Variants in RAPGEF1 observed in about 807,000 individuals in gnomAD.
The protein encoded by RAPGEF1 is Rap guanine nucleotide exchange factor 1.
Under a neutral mutation model 143.3 loss-of-function variants are expected in RAPGEF1, and 33 were observed. The ratio of observed to expected loss-of-function variants is 0.23; its 90% CI spans 0.17 to 0.31. The LOEUF is 0.31. Ranked by LOEUF, RAPGEF1 falls within the 10% of genes least tolerant of loss-of-function variation. The pLI, the probability that RAPGEF1 is intolerant of heterozygous loss-of-function variation, is 1.00. For missense variants in RAPGEF1, 1,199 were observed against 1,645.4 expected (o/e 0.73, Z 4.69); for synonymous variants, 629 against 676.5 (o/e 0.93, Z 1.09).
At chr9:131,725,517 A>G (rs1372987245) in intron 1 of RAPGEF1, 1 of 151,892 alleles carries the variant, frequency 6.6e-6, no homozygotes. Flanking sequence ...AGAGCGCAGC[A>G]GCGCTATCAG....
intron 1 of RAPGEF1, among the ~76,000 whole-genome samples, chr9:131,739,534 G>A (rs558876071): frequency 6.6e-6 from 1 of 151,224 alleles, no homozygotes; most frequent in South Asian, 2.1e-4. Context: ...CCGGGTTGCA[G>A]GGGCCCCGCC....
chr9:131,705,005 T>C lies in RAPGEF1; in HGVS notation c.61+34765A>G, dbSNP rs76335030. Among the ~76,000 whole-genome samples, 36 of 152,336 alleles carry C rather than the reference T, an allele frequency of 2.4e-4. No individual in the cohort carries two copies. In the East Asian group the frequency reaches 6.7e-3, roughly 29 times the overall value. On this transcript the variant is annotated intron_variant, in intron 1 of 26. Transcript: ENST00000683357. Reference sequence around the variant, plus strand: ...ACATTTACTGTTTGTAAACTCAGAATTGCTGTGGGATAGAGGAAGGTGTAC... The same window carrying C: ...ACATTTACTGTTTGTAAACTCAGAACTGCTGTGGGATAGAGGAAGGTGTAC...
Position 131,662,552 on chromosome 9 carries a change from T to G in RAPGEF1, c.62-11603A>C, listed in dbSNP as rs998878866. 4.6e-5 allele frequency among the ~76,000 whole-genome samples: 6 copies of G among 129,522 alleles called. No individual in the cohort carries two copies. In the East Asian group the frequency reaches 1.3e-3, roughly 28 times the overall value. The allele number at this position is 129,522 out of a possible 152,430, so 85.0% of individuals were successfully genotyped here. Reference sequence around the variant, plus strand: ...CTGGCTAATTTTTTGTTTTATTTTGTTTTTTTTTTTTTTGAGATGGAGTCT... The same window carrying G: ...CTGGCTAATTTTTTGTTTTATTTTGGTTTTTTTTTTTTTGAGATGGAGTCT... On this transcript the variant is annotated intron_variant, in intron 1 of 26. Coordinates refer to ENST00000683357, the MANE Select transcript of RAPGEF1 (RefSeq NM_001377935.1).
chr9:131,660,672 G>C (rs565394749), intron 1 of RAPGEF1, among the ~76,000 whole-genome samples: 252 of 152,312 alleles, frequency 1.7e-3, no homozygotes, highest in African/African-American at 5.3e-3. Flanking sequence ...GGACGGCATG[G>C]GAAGCTGGAT....
intron 1 of RAPGEF1, among the ~76,000 whole-genome samples, chr9:131,737,044 C>G (rs892748840): frequency 6.6e-6 from 1 of 152,182 alleles, no homozygotes; most frequent in Non-Finnish European, 1.5e-5. Flanking sequence ...CATCCTCACT[C>G]CAGGCGCGCC....
intron 17 of RAPGEF1, among the ~76,000 whole-genome samples, chr9:131,595,613 T>C (rs1374383696): frequency 1.3e-5 from 2 of 152,216 alleles, no homozygotes; most frequent in Non-Finnish European, 2.9e-5. Context: ...TGCTGGCCCC[T>C]TGAGGGCAGG....
chr9:131,661,454 T>C (rs1974076723), intron 1 of RAPGEF1, among the ~76,000 whole-genome samples: 1 of 152,192 alleles, frequency 6.6e-6, no homozygotes, highest in African/African-American at 2.4e-5. Flanking sequence ...GCAGGTGACA[T>C]GAAGCAGTGG....
At chr9:131,604,247 G>T (rs568842089) in intron 13 of RAPGEF1, among the ~76,000 whole-genome samples, 194 bp from the exon 14 acceptor site, 2 of 152,230 alleles carry the variant, frequency 1.3e-5, no homozygotes, top group Non-Finnish European at 2.9e-5. Context: ...GGTGTCTGGG[G>T]CTAAATCATC....
intron 1 of RAPGEF1, among the ~76,000 whole-genome samples, chr9:131,715,864 A>C (rs1055350520): frequency 4.2e-4 from 34 of 80,580 alleles, no homozygotes; most frequent in Non-Finnish European, 5.2e-4. Flanking sequence ...ACTCCCTCTC[A>C]AAAAAAAAAA....
intron 1 of RAPGEF1, among the ~76,000 whole-genome samples, chr9:131,678,856 A>G (rs1192534314): frequency 1.3e-5 from 2 of 152,216 alleles, no homozygotes; most frequent in Non-Finnish European, 2.9e-5. Flanking sequence ...ACCTTTCTTC[A>G]GAGAACCAAC....
intron 1 of RAPGEF1, among the ~76,000 whole-genome samples, chr9:131,659,574 C>T (rs992748400): frequency 6.6e-6 from 1 of 152,086 alleles, no homozygotes; most frequent in Non-Finnish European, 1.5e-5. Flanking sequence ...ACTTTTTACC[C>T]GAGCCTCCGG....
intron 12 of RAPGEF1, among the ~76,000 whole-genome samples, chr9:131,605,630 T>C (rs187263149): frequency 3.3e-4 from 51 of 152,316 alleles, no homozygotes; most frequent in East Asian, 1.9e-3. Context: ...CTTTTAAACA[T>C]TGAAATCCAC....
At chr9:131,636,595 T>G (rs755478192) in intron 5 of RAPGEF1, among the ~76,000 whole-genome samples, 2 of 152,250 alleles carry the variant, frequency 1.3e-5, no homozygotes, top group Non-Finnish European at 2.9e-5. Context: ...CTGCTCTAAC[T>G]TGTGAACATC....
At chr9:131,736,511 T>TA (rs1174964292) in intron 1 of RAPGEF1, among the ~76,000 whole-genome samples, 8 of 152,112 alleles carry the variant, frequency 5.3e-5, no homozygotes, top group African/African-American at 1.9e-4. Flanking sequence ...GATGAACCCC[T>TA]CAAGGCCCTG....
At chr9:131,593,930 T>G (rs975957934) in intron 17 of RAPGEF1, among the ~76,000 whole-genome samples, 1 of 152,194 alleles carries the variant, frequency 6.6e-6, no homozygotes, top group Admixed American at 6.5e-5. Flanking sequence ...CCAGTAGCCA[T>G]GACAACTTCG....
At chr9:131,688,853 G>A (rs1308572396) in intron 1 of RAPGEF1, among the ~76,000 whole-genome samples, 2 of 152,164 alleles carry the variant, frequency 1.3e-5, no homozygotes, top group Admixed American at 6.5e-5. Flanking sequence ...AGCCAAGATC[G>A]TGCCACTGCA....
At chr9:131,644,614 T>C (rs1016480990) in intron 3 of RAPGEF1, among the ~76,000 whole-genome samples, 6 of 151,898 alleles carry the variant, frequency 4.0e-5, no homozygotes, top group Non-Finnish European at 5.9e-5. Flanking sequence ...GACAAACAAA[T>C]GGTAGAAATT....
chr9:131,677,847 G>C (rs983957635), intron 1 of RAPGEF1, among the ~76,000 whole-genome samples: 21 of 152,194 alleles, frequency 1.4e-4, no homozygotes, highest in African/African-American at 4.8e-4. Flanking sequence ...ACGAGTCTTG[G>C]TCTGCATCAA....
chr9:131,697,418 C>G (rs911064256), intron 1 of RAPGEF1, among the ~76,000 whole-genome samples: 4 of 152,250 alleles, frequency 2.6e-5, no homozygotes, highest in African/African-American at 9.6e-5. Flanking sequence ...CTGCCTCCTG[C>G]TTTCCTAAAT....
Sources: allele counts gnomAD v4.1 joint callset (sites outside exome capture counted in the v4.1 genomes callset), GRCh38; gene constraint gnomAD v4.1.1; transcripts MANE v1.5; gene names NCBI Gene and HGNC (gene_info 2026-07-23, HGNC 2026-07-21).